Variants in KIAA0319L observed in about 807,000 individuals in gnomAD.
The protein encoded by KIAA0319L is KIAA0319 like.
A neutral mutation model predicts 120.1 loss-of-function variants in KIAA0319L; 55 were observed. The ratio of observed to expected loss-of-function variants is 0.46; its 90% CI spans 0.37 to 0.57. The LOEUF is 0.57. Among genes scored for constraint, KIAA0319L ranks in the 20% least tolerant of loss-of-function variants. The pLI is 0.00. For synonymous variants in KIAA0319L, 398 were observed against 471.9 expected, an observed-to-expected ratio of 0.84 and a Z score of 2.03; for missense variants, 1,049 against 1,255.3, an observed-to-expected ratio of 0.84 and a Z score of 2.48.
chr1:35,475,959 C>T (rs557892938), intron 4 of KIAA0319L, among the ~76,000 whole-genome samples: 4 of 152,288 alleles, frequency 2.6e-5, no homozygotes, highest in East Asian at 1.9e-4. Flanking sequence ...CTTTCAACTG[C>T]GGTGTTTGCC....
intron 17 of KIAA0319L, 44 bp from the exon 18 acceptor site, chr1:35,443,072 A>G (rs773687899): frequency 7.4e-6 from 12 of 1,612,962 alleles, no homozygotes; most frequent in Non-Finnish European, 1.0e-5. Context: ...AGACTCAGCC[A>G]GGGGTGACAA....
At chr1:35,498,175 T>C (rs1224619345) in intron 3 of KIAA0319L, among the ~76,000 whole-genome samples, 9 of 151,816 alleles carry the variant, frequency 5.9e-5, no homozygotes, top group Admixed American at 5.9e-4. Context: ...GCTACAAAAA[T>C]ACAAAAAATT....
chr1:35,498,335 G>GA (rs1307695878), intron 3 of KIAA0319L, among the ~76,000 whole-genome samples: 3 of 149,876 alleles, frequency 2.0e-5, no homozygotes, highest in East Asian at 3.9e-4. Flanking sequence ...CTCCCATCTC[G>GA]GGAAAAAAAA....
At chr1:35,512,637 G>A (rs575391968) in intron 2 of KIAA0319L, among the ~76,000 whole-genome samples, 2 of 152,148 alleles carry the variant, frequency 1.3e-5, no homozygotes, top group East Asian at 3.9e-4. Flanking sequence ...GGGAGGCTAA[G>A]GCAGGCAGAT....
chr1:35,518,962 A>G (rs1390031472), intron 2 of KIAA0319L, among the ~76,000 whole-genome samples: 3 of 146,938 alleles, frequency 2.0e-5, no homozygotes, highest in African/African-American at 7.6e-5. Context: ...CAAGATCAAG[A>G]GCAAGACTCT....
In KIAA0319L at chr1:35,507,148, A is replaced by T. The variant is rs775241119; in HGVS notation, c.143-13T>A. 9.2e-6 allele frequency: 14 copies of T among 1,513,872 alleles called. No homozygotes were observed. Among genetic ancestry groups the T allele is most frequent in the African/African-American group, 1.4e-5 (1 of 71,686 alleles). 93.8% of individuals were successfully genotyped at this position (1,513,872 alleles called of 1,614,324 possible). A position where few individuals can be genotyped will look rare whatever the true frequency, so the allele number is the denominator to read the frequency against. ...CTCTCACTGGCATCTAAAAACAAAG[A>T]ATGAAAACATTTTCAGATGAAATAA... On this transcript the variant is annotated splice_polypyrimidine_tract_variant and intron_variant, in intron 2 of 20. Transcript: ENST00000325722.
At chr1:35,513,281 TATATA>T (rs1645535759) in intron 2 of KIAA0319L, among the ~76,000 whole-genome samples, 1 of 99,258 alleles carries the variant, frequency 1.0e-5, no homozygotes, top group African/African-American at 4.2e-5. Context: ...TATATATATA[TATATA>T]TATTTTTTTT....
intron 3 of KIAA0319L, among the ~76,000 whole-genome samples, chr1:35,483,254 C>T (rs1644245562): frequency 6.6e-6 from 1 of 152,078 alleles, no homozygotes; most frequent in South Asian, 2.1e-4. Flanking sequence ...TGATAAGCTC[C>T]AATTTATCAT....
chr1:35,466,476 A>C, intron 7 of KIAA0319L, 132 bp downstream of exon 7: 1 of 636,950 alleles, frequency 1.6e-6, no homozygotes, highest in Non-Finnish European at 2.8e-6. Context: ...ACTATTCACC[A>C]CATTGAACTA....
chr1:35,529,106 T>C (rs183295832), intron 2 of KIAA0319L, among the ~76,000 whole-genome samples: 1 of 152,344 alleles, frequency 6.6e-6, no homozygotes, highest in Non-Finnish European at 1.5e-5. Flanking sequence ...TCTCACTATG[T>C]TGCCCAGGCT....
At chr1:35,552,214 C>T (rs1043683076) in intron 2 of KIAA0319L, among the ~76,000 whole-genome samples, 6 of 152,110 alleles carry the variant, frequency 3.9e-5, no homozygotes, top group African/African-American at 1.2e-4. Context: ...TGGTGGCATG[C>T]GCCTGTAGTC....
At chr1:35,523,083 T>G (rs2148448625) in intron 2 of KIAA0319L, among the ~76,000 whole-genome samples, 1 of 151,870 alleles carries the variant, frequency 6.6e-6, no homozygotes, top group African/African-American at 2.4e-5. Context: ...CTCCAGCTTG[T>G]ATCACACATT....
chr1:35,439,794 G>C (rs528907985), intron 20 of KIAA0319L: 1 of 152,042 alleles, frequency 6.6e-6, no homozygotes, highest in Admixed American at 6.6e-5. Context: ...AGACCTTGTC[G>C]CCACATTTTT....
intron 3 of KIAA0319L, among the ~76,000 whole-genome samples, chr1:35,483,389 T>C (rs1644249887): frequency 6.6e-6 from 1 of 152,238 alleles, no homozygotes; most frequent in Non-Finnish European, 1.5e-5. Context: ...TAAATTGAGA[T>C]CTATGATCCG....
chr1:35,540,637 C>G (rs1646750935), intron 2 of KIAA0319L, among the ~76,000 whole-genome samples: 1 of 152,238 alleles, frequency 6.6e-6, no homozygotes, highest in African/African-American at 2.4e-5. Context: ...GATATACCAT[C>G]TTGTGGACAG....
chr1:35,490,488 T>C (rs1644550427), intron 3 of KIAA0319L, among the ~76,000 whole-genome samples: 1 of 151,690 alleles, frequency 6.6e-6, no homozygotes, highest in Admixed American at 6.6e-5. Context: ...TAACCAGACA[T>C]GCAAAGAAGC....
intron 20 of KIAA0319L, chr1:35,440,030 G>A (rs1392810790): frequency 6.6e-6 from 1 of 152,168 alleles, no homozygotes; most frequent in African/African-American, 2.4e-5. Context: ...GCTGCAGTGT[G>A]AGGGGTGGGT....
chr1:35,458,291 T>G (rs1642635251), intron 9 of KIAA0319L, among the ~76,000 whole-genome samples: 1 of 152,158 alleles, frequency 6.6e-6, no homozygotes, highest in Non-Finnish European at 1.5e-5. Flanking sequence ...AAAAGCACCT[T>G]ATAGACAGAC....
At chr1:35,530,162 C>T (rs1191113924) in intron 2 of KIAA0319L, among the ~76,000 whole-genome samples, 4 of 151,648 alleles carry the variant, frequency 2.6e-5, no homozygotes, top group Admixed American at 2.0e-4. Flanking sequence ...CAGCCTCCTG[C>T]GTAGCTGCGA....
Sources: allele counts gnomAD v4.1 joint callset (sites outside exome capture counted in the v4.1 genomes callset), GRCh38; gene constraint gnomAD v4.1.1; transcripts MANE v1.5; gene names NCBI Gene and HGNC (gene_info 2026-07-23, HGNC 2026-07-21).